TLL1: variants seen among roughly 807,000 people sequenced by gnomAD.
The protein encoded by TLL1 is tolloid like 1, also known as tolloid-like protein 1.
In TLL1, 49 loss-of-function variants were observed where a neutral mutation model predicts 128.2. That is an observed-to-expected ratio of 0.38 (90% CI 0.30 to 0.48). The LOEUF (loss-of-function observed/expected upper bound fraction) is 0.48, where lower values mean the gene tolerates loss of function less well. TLL1 is among the 20% of genes least tolerant of loss of function. TLL1 has a pLI of 0.96. For missense variants in TLL1, 1,123 were observed against 1,242.0 expected (o/e 0.90, Z 1.44); for synonymous variants, 454 against 418.8 (o/e 1.08, Z -1.03).
intron 18 of TLL1, among the ~76,000 whole-genome samples, chr4:166,078,792 A>G (rs1434197681): frequency 6.6e-6 from 1 of 152,164 alleles, no homozygotes; most frequent in Non-Finnish European, 1.5e-5. Flanking sequence ...GCCAACTAAC[A>G]AGGCTCAGGA....
intron 18 of TLL1, among the ~76,000 whole-genome samples, chr4:166,086,726 CA>C (rs1004660281): frequency 3.3e-5 from 5 of 152,194 alleles, no homozygotes; most frequent in African/African-American, 1.2e-4. Context: ...GGCCAGGATT[CA>C]AAGGGAGGAG....
intron 18 of TLL1, among the ~76,000 whole-genome samples, chr4:166,081,777 C>A (rs1317699195): frequency 6.7e-6 from 1 of 149,488 alleles, no homozygotes; most frequent in Non-Finnish European, 1.5e-5. Context: ...ATGGCTTTTT[C>A]TTGTTGTCAG....
At chr4:165,919,048 A>T (rs1353399820) in intron 1 of TLL1, among the ~76,000 whole-genome samples, 1 of 152,158 alleles carries the variant, frequency 6.6e-6, no homozygotes, top group Non-Finnish European at 1.5e-5. Flanking sequence ...TGTGTAATAG[A>T]ATAGTTTTAG....
In TLL1 at chr4:166,102,302, A is replaced by G. The variant is rs1269784803; in HGVS notation, c.*1426A>G. The G allele has an allele frequency of 6.6e-6, 1 of 152,434 alleles. No individual in the cohort carries two copies. The highest frequency in any genetic ancestry group is 1.9e-4 in the East Asian group (1 of 5,174). 9.4% of individuals were successfully genotyped at this position (152,434 alleles called of 1,614,324 possible). A position where few individuals can be genotyped will look rare whatever the true frequency, so the allele number is the denominator to read the frequency against. The stretch of plus-strand genomic sequence containing the variant: ...AAATATGGTGTCCTGCTTTTTTTGT[A>G]GAAAATGTAATTTGAGGATGAATTT... On this transcript the variant is annotated 3_prime_UTR_variant, in exon 21 of 21. Coordinates refer to ENST00000061240, the MANE Select transcript of TLL1 (RefSeq NM_012464.5).
intron 20 of TLL1, 136 bp from the exon 21 acceptor site, chr4:166,100,606 A>T: frequency 8.6e-7 from 1 of 1,163,196 alleles, no homozygotes; most frequent in Non-Finnish European, 1.3e-6. Context: ...GAAGTTGATT[A>T]CACCTACTCT....
intron 16 of TLL1, among the ~76,000 whole-genome samples, chr4:166,074,389 A>AT (rs1200315234): frequency 6.6e-6 from 1 of 151,736 alleles, no homozygotes; most frequent in Non-Finnish European, 1.5e-5. Context: ...ATACTGAGTG[A>AT]TTTTTTTAAG....
chr4:166,031,309 G>C (rs570776354), intron 9 of TLL1, among the ~76,000 whole-genome samples: 1 of 146,608 alleles, frequency 6.8e-6, no homozygotes, highest in East Asian at 2.1e-4. Flanking sequence ...ATATAAATAA[G>C]TTAAATCAAG....
At chr4:166,088,416 T>C (rs1475629656) in intron 18 of TLL1, among the ~76,000 whole-genome samples, 11 of 152,044 alleles carry the variant, frequency 7.2e-5, no homozygotes, top group Admixed American at 7.2e-4. Context: ...GGCCTGGAAA[T>C]ATTTTCTGTT....
intron 12 of TLL1, among the ~76,000 whole-genome samples, chr4:166,048,627 A>AT (rs1739571842): frequency 6.6e-6 from 1 of 152,166 alleles, no homozygotes; most frequent in Non-Finnish European, 1.5e-5. Context: ...TTATTTGAGA[A>AT]TTTTCAGTAA....
In TLL1 at chr4:166,078,019, C is replaced by G; in HGVS notation, c.2431C>G (p.Arg811Gly). 3 of 1,613,488 alleles carry G rather than the reference C, an allele frequency of 1.9e-6. No individual in the cohort carries two copies. The highest frequency in any genetic ancestry group is 2.5e-6 in the Non-Finnish European group (3 of 1,179,636). Residue 811 changes from arginine to glycine, a missense_variant, in exon 18 of 21, where the codon CGA becomes GGA. Arg to Gly is a moderately radical substitution (Grantham distance 125). This residue lies in a region of TLL1 where 634 missense variants were observed against 672.4 expected (regional missense o/e 0.94). Coordinates refer to ENST00000061240, the MANE Select transcript of TLL1 (RefSeq NM_012464.5). ...TWEISATPGH[R>G]IKLAFSEFEI... ...GGAAATCAGCGCCACTCCTGGCCAC[C>G]GAATCAAATTAGTAAGTGAGCACAT...
chr4:165,881,112 G>T (rs532497320), intron 1 of TLL1, among the ~76,000 whole-genome samples: 2 of 152,266 alleles, frequency 1.3e-5, no homozygotes, highest in South Asian at 2.1e-4. Context: ...TCAGATTAAA[G>T]ATAATTAAGT....
intron 18 of TLL1, among the ~76,000 whole-genome samples, chr4:166,079,524 A>G (rs10011050): frequency 0.2 from 30,847 of 151,604 alleles, 3,438 homozygotes; most frequent in East Asian, 0.41. Flanking sequence ...TTCTGTGTTA[A>G]GTCGTAATTC....
intron 9 of TLL1, among the ~76,000 whole-genome samples, chr4:166,027,729 T>A (rs1367248500): frequency 1.3e-5 from 2 of 152,132 alleles, no homozygotes; most frequent in Non-Finnish European, 2.9e-5. Context: ...AAAGTATACA[T>A]GATTTTAAAA....
intron 1 of TLL1, among the ~76,000 whole-genome samples, chr4:165,946,548 C>G (rs1425087566): frequency 6.7e-6 from 1 of 149,676 alleles, no homozygotes; most frequent in African/African-American, 2.5e-5. Context: ...CCATATTGCC[C>G]AAGCTGGTCT....
chr4:165,919,045 T>C (rs770448053), intron 1 of TLL1, among the ~76,000 whole-genome samples: 3 of 152,146 alleles, frequency 2.0e-5, no homozygotes, highest in Admixed American at 6.5e-5. Flanking sequence ...ATATGTGTAA[T>C]AGAATAGTTT....
intron 1 of TLL1, among the ~76,000 whole-genome samples, chr4:165,986,017 A>ATT (rs141245093): frequency 2.7e-5 from 4 of 148,034 alleles, no homozygotes; most frequent in South Asian, 4.3e-4. Context: ...CCATTTTCCC[A>ATT]TTTTTTTTTT....
At chr4:166,065,618 T>C (rs1160077708) in intron 15 of TLL1, 65 bp from the exon 16 acceptor site, 6 of 1,538,710 alleles carry the variant, frequency 3.9e-6, no homozygotes, top group Non-Finnish European at 5.4e-6. Flanking sequence ...ATATGTTTTT[T>C]TAAGATAAAT....
chr4:165,986,440 G>C (rs1393253962), intron 1 of TLL1, among the ~76,000 whole-genome samples: 1 of 151,330 alleles, frequency 6.6e-6, no homozygotes, highest in African/African-American at 2.4e-5. Flanking sequence ...TTTTTTTTCT[G>C]TTGAGAATAT....
chr4:165,881,813 C>G (rs1002781034), intron 1 of TLL1, among the ~76,000 whole-genome samples: 1 of 152,158 alleles, frequency 6.6e-6, no homozygotes, highest in Non-Finnish European at 1.5e-5. Context: ...AGCAGGCTTT[C>G]CATGTCCATT....
Sources: allele counts gnomAD v4.1 joint callset (sites outside exome capture counted in the v4.1 genomes callset), GRCh38; gene constraint gnomAD v4.1.1; regional missense constraint gnomAD v4.1.1; transcripts MANE v1.5; gene names NCBI Gene and HGNC (gene_info 2026-07-23, HGNC 2026-07-21).